Variants in APTX observed in about 807,000 individuals in gnomAD.
APTX encodes aprataxin.
Under a neutral mutation model 42.3 loss-of-function variants are expected in APTX, and 33 were observed. That is an observed-to-expected ratio of 0.78 (90% CI 0.59 to 1.04). The LOEUF (loss-of-function observed/expected upper bound fraction) is 1.04, where lower values mean the gene tolerates loss of function less well. Among genes scored for constraint, APTX ranks in the 50% least tolerant of loss-of-function variants. The pLI, the probability that APTX is intolerant of heterozygous loss-of-function variation, is 0.00. For synonymous variants in APTX, 130 were observed against 146.7 expected (o/e 0.89, Z 0.82); for missense variants, 421 against 415.1 (o/e 1.01, Z -0.12).
At chr9:33,020,689 C>T (rs983385869) in intron 1 of APTX, among the ~76,000 whole-genome samples, 1 of 152,198 alleles carries the variant, frequency 6.6e-6, no homozygotes, top group Non-Finnish European at 1.5e-5. Flanking sequence ...TTATATCACC[C>T]CATCCCTAAA....
chr9:32,987,619 T>C lies in APTX; in HGVS notation c.408A>G (p.Thr136=). Residue 136 remains threonine, a synonymous_variant, in exon 4 of 8, where the codon ACA becomes ACG. Coordinates refer to ENST00000379817, the MANE Select transcript of APTX (RefSeq NM_001195248.2). The part of the protein sequence containing the change: ...RDAAQEAEAG[T]GLEPGSNSGQ... ...CAGAGTTGCTCCCAGGTTCCAGCCCTGTCCCAGCCTCAGCTTCCTGAGCAG... is the reference window on the plus strand; with the variant it reads ...CAGAGTTGCTCCCAGGTTCCAGCCCCGTCCCAGCCTCAGCTTCCTGAGCAG... 1 of 1,614,210 alleles carries C rather than the reference T, an allele frequency of 6.2e-7. No individual in the cohort carries two copies.
chr9:32,995,626 A>G (rs542099635), intron 1 of APTX, among the ~76,000 whole-genome samples: 67 of 152,248 alleles, frequency 4.4e-4, no homozygotes, highest in African/African-American at 9.9e-4. Context: ...TATGGCTCAC[A>G]CCTGTAATCC....
chr9:32,993,358 G>A (rs368476648), intron 1 of APTX, among the ~76,000 whole-genome samples: 27 of 152,272 alleles, frequency 1.8e-4, no homozygotes, highest in African/African-American at 6.3e-4. Flanking sequence ...TTTACAATAT[G>A]GCAAGTGCAG....
At chr9:33,001,531 C>T in intron 1 of APTX, 36 bp downstream of exon 1, 3 of 1,613,424 alleles carry the variant, frequency 1.9e-6, no homozygotes, top group Non-Finnish European at 2.5e-6. Flanking sequence ...GCATTGAGCC[C>T]AGCCAGCAGA....
At chr9:32,996,102 C>T (rs1373126637) in intron 1 of APTX, among the ~76,000 whole-genome samples, 1 of 152,128 alleles carries the variant, frequency 6.6e-6, no homozygotes, top group Non-Finnish European at 1.5e-5. Flanking sequence ...TGCTATTGCA[C>T]ACTTAACAGA....
intron 1 of APTX, among the ~76,000 whole-genome samples, chr9:33,014,192 G>C (rs1397777033): frequency 6.6e-6 from 1 of 152,180 alleles, no homozygotes; most frequent in Non-Finnish European, 1.5e-5. Flanking sequence ...CTGGATGTAG[G>C]AGTCTAAGCC....
intron 1 of APTX, among the ~76,000 whole-genome samples, chr9:33,000,120 T>C (rs1050093394): frequency 3.9e-5 from 6 of 152,164 alleles, no homozygotes; most frequent in Admixed American, 3.3e-4. Context: ...CTGTGTGACT[T>C]GAGGCAAGTT....
intron 1 of APTX, among the ~76,000 whole-genome samples, chr9:33,018,166 G>A (rs11788347): frequency 3.3e-5 from 5 of 149,662 alleles, no homozygotes; most frequent in East Asian, 2.0e-4. Context: ...GCTGGAGCGC[G>A]GTGGCACGAT....
At chr9:33,017,893 C>T (rs980068636) in intron 1 of APTX, among the ~76,000 whole-genome samples, 4 of 151,316 alleles carry the variant, frequency 2.6e-5, no homozygotes, top group African/African-American at 7.3e-5. Context: ...AGTTCCAATC[C>T]TCTAATCACT....
chr9:33,004,432 T>C (rs992616086), upstream of APTX, among the ~76,000 whole-genome samples: 2 of 152,252 alleles, frequency 1.3e-5, no homozygotes, highest in Admixed American at 6.5e-5. Flanking sequence ...AAATTTGTTT[T>C]TAATGTGAAA....
intron 1 of APTX, among the ~76,000 whole-genome samples, chr9:33,007,808 G>A (rs527408833): frequency 4.6e-5 from 7 of 151,488 alleles, no homozygotes; most frequent in African/African-American, 1.5e-4. Flanking sequence ...TCACCCCTAG[G>A]GTGAAACAAC....
At chr9:32,993,155 G>C (rs1229071091) in intron 1 of APTX, among the ~76,000 whole-genome samples, 1 of 152,188 alleles carries the variant, frequency 6.6e-6, no homozygotes, top group East Asian at 1.9e-4. Context: ...GCAGATGCAG[G>C]ATAATAAGAA....
chr9:32,987,753 C>T lies in APTX; in HGVS notation c.274G>A (p.Glu92Lys), dbSNP rs765145017. 1.2e-6 allele frequency: 2 copies of T among 1,614,080 alleles called. No homozygotes were observed. Among genetic ancestry groups the T allele is most frequent in the East Asian group, 4.5e-5 (2 of 44,904 alleles). Residue 92 changes from glutamate (E) to lysine (K), a missense_variant, in exon 4 of 8, where the codon GAA (glutamate) becomes AAA (lysine). Glu to Lys is a moderately conservative substitution (Grantham distance 56). Transcript: ENST00000379817. ...AACTCTACAATATATGGATAAAGTT[C>T]ATTCACCATGTGGAGAACCTGGCCA... ...QPGQVLHMVN[E>K]LYPYIVEFEE...
intron 1 of APTX, chr9:33,019,811 C>T: frequency 1.6e-6 from 1 of 638,826 alleles, no homozygotes; most frequent in Non-Finnish European, 2.7e-6. Flanking sequence ...TTCAGCTTTC[C>T]AGCGGACGGC....
intron 4 of APTX, among the ~76,000 whole-genome samples, chr9:32,986,649 G>A (rs1347559020): frequency 3.3e-5 from 5 of 149,472 alleles, no homozygotes; most frequent in African/African-American, 9.9e-5. Context: ...TTATAGGCAT[G>A]CACCACCACG....
At chr9:32,987,895 T>C in intron 3 of APTX, 49 bp from the exon 4 acceptor site, 1 of 1,598,536 alleles carries the variant, frequency 6.3e-7, no homozygotes, top group African/African-American at 1.3e-5. Flanking sequence ...CAACAGCACC[T>C]ACAGTAAGAT....
chr9:33,009,500 GA>G (rs774153200), intron 1 of APTX, among the ~76,000 whole-genome samples: 5 of 152,044 alleles, frequency 3.3e-5, no homozygotes, highest in Non-Finnish European at 7.4e-5. Context: ...ACTGCAACTA[GA>G]GAAAATATTT....
Position 32,988,072 on chromosome 9 carries a change from A to C in APTX, c.180+11T>G. The C allele has an allele frequency of 6.2e-7, 1 of 1,613,518 alleles. No homozygotes were observed. The highest frequency in any genetic ancestry group is 8.5e-7 in the Non-Finnish European group (1 of 1,179,414). ...ATCGAGTATAAAATTCCAAGTTATA[A>C]ATACACCTACCTGCTTTACCTTGAC... On this transcript the variant is annotated intron_variant, in intron 3 of 7. Transcript: ENST00000379817.
At chr9:33,022,846 G>C (rs1838499302) in intron 1 of APTX, among the ~76,000 whole-genome samples, 1 of 152,058 alleles carries the variant, frequency 6.6e-6, no homozygotes, top group Admixed American at 6.6e-5. Flanking sequence ...TAACTTTTTT[G>C]TTAGTTTCGT....
Sources: gnomAD v4.1 joint callset for allele counts (sites outside exome capture counted in the v4.1 genomes callset) on GRCh38, gnomAD v4.1.1 for gene constraint, MANE v1.5 for transcripts, NCBI Gene and HGNC (gene_info 2026-07-23, HGNC 2026-07-21) for gene names.